The following FAM120B variants were observed in gnomAD, a reference collection of about 807,000 sequenced individuals.
FAM120B encodes constitutive coactivator of peroxisome proliferator-activated receptor gamma.
Under a neutral mutation model 96.3 loss-of-function variants are expected in FAM120B, and 83 were observed. The ratio of observed to expected loss-of-function variants is 0.86; its 90% confidence interval spans 0.72 to 1.03. FAM120B has a LOEUF of 1.03. Ranked by LOEUF, FAM120B falls within the 50% of genes least tolerant of loss-of-function variation. FAM120B has a pLI of 0.00. For synonymous variants in FAM120B, 407 were observed against 402.7 expected (o/e 1.01, Z -0.13); for missense variants, 1,027 against 1,121.2 (o/e 0.92, Z 1.20).
At chr6:170,342,569 C>T (rs931392053) in intron 4 of FAM120B, among the ~76,000 whole-genome samples, 3 of 152,216 alleles carry the variant, frequency 2.0e-5, no homozygotes, top group Admixed American at 6.5e-5. Flanking sequence ...CCCCCAGGGG[C>T]CAAGTCCTCC....
intron 6 of FAM120B, among the ~76,000 whole-genome samples, chr6:170,368,826 G>GC (rs988285853): frequency 6.7e-5 from 10 of 149,604 alleles, no homozygotes; most frequent in Non-Finnish European, 1.0e-4. Context: ...GGGCTGGGGG[G>GC]GGGGCTCCCT....
chr6:170,385,200 G>C (rs889989505), intron 6 of FAM120B, among the ~76,000 whole-genome samples: 1 of 152,154 alleles, frequency 6.6e-6, no homozygotes, highest in African/African-American at 2.4e-5. Context: ...TCTGTTATTT[G>C]AAATTAAAAT....
intron 6 of FAM120B, among the ~76,000 whole-genome samples, chr6:170,387,305 A>G (rs1339881810): frequency 1.3e-5 from 2 of 152,248 alleles, no homozygotes; most frequent in Non-Finnish European, 1.5e-5. Flanking sequence ...CTATTTTAGT[A>G]AGTGAAGCCT....
chr6:170,384,363 A>G (rs751987648), intron 6 of FAM120B, among the ~76,000 whole-genome samples: 24 of 152,320 alleles, frequency 1.6e-4, no homozygotes, highest in Non-Finnish European at 1.5e-4. Context: ...GTGAATCTAT[A>G]GTCGTTTCAA....
At chr6:170,315,830 C>G (rs186761271) in intron 1 of FAM120B, among the ~76,000 whole-genome samples, 4 of 151,858 alleles carry the variant, frequency 2.6e-5, no homozygotes, top group African/African-American at 9.7e-5. Flanking sequence ...ATGTCTAATC[C>G]CAGCACTTTG....
chr6:170,295,540 G>T lies in FAM120B; in HGVS notation c.48+87G>T. ...GGCAGGAGCGCGACCCCCGGCGCGG[G>T]CAGCTCTGCGCGAAGGTGGGCGACG... On this transcript the variant is annotated intron_variant, in intron 1 of 10. Coordinates refer to the FAM120B transcript ENST00000537664. The surrounding 1 kb of genome is among the most constrained non-coding windows in gnomAD (Gnocchi z 7.8). 1 of 610,668 alleles carries T rather than the reference G, an allele frequency of 1.6e-6. No individual in the cohort carries two copies. The highest frequency in any genetic ancestry group is 2.9e-6 in the Non-Finnish European group (1 of 347,466). 37.8% of individuals were successfully genotyped at this position (610,668 alleles called of 1,614,324 possible). A position where few individuals can be genotyped will look rare whatever the true frequency, so the allele number is the denominator to read the frequency against.
At chr6:170,399,522 G>A (rs375213243) in intron 9 of FAM120B, among the ~76,000 whole-genome samples, 1 of 139,918 alleles carries the variant, frequency 7.1e-6, no homozygotes, top group East Asian at 2.3e-4. Context: ...GGAGTGAGTG[G>A]GGAAGGTAGA....
At chr6:170,321,186 C>T (rs185096172) in intron 2 of FAM120B, among the ~76,000 whole-genome samples, 83 of 152,304 alleles carry the variant, frequency 5.4e-4, no homozygotes, top group Admixed American at 4.3e-3. Flanking sequence ...ATTGCCCTTA[C>T]ATTTTCTCTA....
Position 170,295,455 on chromosome 6 carries a change from T to G in FAM120B, c.48+2T>G, listed in dbSNP as rs748439777. On this transcript the variant is annotated splice_donor_variant, in intron 1 of 10. Coordinates refer to the FAM120B transcript ENST00000537664. LOFTEE classifies it high-confidence loss of function. The surrounding 1 kb of genome is among the most constrained non-coding windows in gnomAD (Gnocchi z 7.8). ...AGCGCTGGCGCAGGCAGGAAGGAGG[T>G]GAGCGCCGCCCGCGTGCACACAAGG... is the stretch of plus-strand genomic sequence containing the variant. The G allele has an allele frequency of 9.3e-5, 65 of 700,956 alleles. No homozygotes were observed. The highest frequency in any genetic ancestry group is 2.3e-4 in the Middle Eastern group (1 of 4,354). 43.4% of individuals were successfully genotyped at this position (700,956 alleles called of 1,614,324 possible).
At chr6:170,400,828 G>C (rs1370521596) in intron 9 of FAM120B, among the ~76,000 whole-genome samples, 1 of 152,186 alleles carries the variant, frequency 6.6e-6, no homozygotes, top group Non-Finnish European at 1.5e-5. Context: ...AAAGCCTGCA[G>C]GTGTGGCCTG....
rs747902004 is a variant in FAM120B at position 170,388,444 on chromosome 6, A to C, written c.2441A>C (p.Tyr814Ser). 1.2e-6 allele frequency: 2 copies of C among 1,614,216 alleles called. No individual in the cohort carries two copies. The highest frequency in any genetic ancestry group is 2.2e-5 in the South Asian group (2 of 91,082). The change falls in exon 7 of 11, where the codon TAC becomes TCC. Residue 814 changes from tyrosine (Y) to serine (S), a missense_variant. By Grantham distance (144) the Tyr-to-Ser change is moderately radical. This residue lies in a region of FAM120B where 142 missense variants were observed against 122.5 expected (regional missense o/e 1.16). Transcript: ENST00000476287. ...VFDGKLFHQK[Y>S]LQSEKGYAVE... ...GACGGGAAGCTTTTTCATCAGAAGT[A>C]CTTGCAATCTGAAAAGGGTTATGCT...
chr6:170,316,644 T>A (rs1392282170), intron 1 of FAM120B, among the ~76,000 whole-genome samples: 1 of 152,232 alleles, frequency 6.6e-6, no homozygotes, highest in Non-Finnish European at 1.5e-5. Flanking sequence ...TACTACAACA[T>A]TTGGCATAGT....
At chr6:170,386,477 T>C (rs1790192748) in intron 6 of FAM120B, among the ~76,000 whole-genome samples, 2 of 152,208 alleles carry the variant, frequency 1.3e-5, no homozygotes, top group South Asian at 4.1e-4. Context: ...GTAAAATGCG[T>C]GCCATGAAAA....
chr6:170,401,664 A>G (rs1345508647), intron 9 of FAM120B, among the ~76,000 whole-genome samples: 1 of 152,232 alleles, frequency 6.6e-6, no homozygotes, highest in African/African-American at 2.4e-5. Flanking sequence ...ATACAGGCTG[A>G]GTATCCCAAG....
chr6:170,291,301 C>T (rs993405064), upstream of FAM120B, among the ~76,000 whole-genome samples: 1 of 152,112 alleles, frequency 6.6e-6, no homozygotes, highest in Non-Finnish European at 1.5e-5. Context: ...CCCAGAGACC[C>T]TCGGCCACAC....
At chr6:170,404,714 G>T in intron 10 of FAM120B, 49 bp from the exon 11 acceptor site, 1 of 815,966 alleles carries the variant, frequency 1.2e-6, no homozygotes, top group South Asian at 1.6e-5. Context: ...GAATCCTGCT[G>T]ACCTGGTGCC....
chr6:170,311,327 T>A (rs1187304175), intron 1 of FAM120B, among the ~76,000 whole-genome samples: 1 of 152,232 alleles, frequency 6.6e-6, no homozygotes, highest in African/African-American at 2.4e-5. Flanking sequence ...TCTCATCTCT[T>A]CATCTTCCCT....
intron 4 of FAM120B, among the ~76,000 whole-genome samples, chr6:170,340,812 G>A (rs987505897): frequency 3.3e-5 from 5 of 152,112 alleles, no homozygotes; most frequent in Non-Finnish European, 4.4e-5. Flanking sequence ...TATCACCAGC[G>A]GAGGCTGCAG....
At chr6:170,380,560 G>T (rs748472191) in intron 6 of FAM120B, among the ~76,000 whole-genome samples, 11 of 152,228 alleles carry the variant, frequency 7.2e-5, no homozygotes, top group Non-Finnish European at 1.5e-4. Flanking sequence ...ATGGTGAGGT[G>T]ATTTCACACC....
Sources: gnomAD v4.1 joint callset for allele counts (sites outside exome capture counted in the v4.1 genomes callset) on GRCh38, gnomAD v4.1.1 for gene constraint, gnomAD v4.1.1 regional missense constraint, Gnocchi (gnomAD v3.1) non-coding constraint, MANE v1.5 for transcripts, NCBI Gene and HGNC (gene_info 2026-07-23, HGNC 2026-07-21) for gene names.